Variants in TRPV3 observed in about 807,000 individuals in gnomAD.
TRPV3 encodes VRL-3.
Under a neutral mutation model 87.1 loss-of-function variants are expected in TRPV3, and 88 were observed. The observed-to-expected ratio is 1.01, with a 90% confidence interval of 0.85 to 1.21. The LOEUF (loss-of-function observed/expected upper bound fraction) is 1.21, where lower values mean the gene tolerates loss of function less well. Among genes scored for constraint, TRPV3 ranks in the 50% most tolerant of loss-of-function variants. The probability of loss-of-function intolerance (pLI) is 0.00; values close to 1 mark genes in which losing one functional copy is unlikely to be tolerated. For synonymous variants in TRPV3, 438 were observed against 423.3 expected, an observed-to-expected ratio of 1.03 and a Z score of -0.43; for missense variants, 1,054 against 1,030.1, an observed-to-expected ratio of 1.02 and a Z score of -0.32.
chr17:3,518,595 T>C lies in TRPV3; in HGVS notation c.2066A>G (p.Glu689Gly). Residue 689 changes from glutamate (E) to glycine (G), a missense_variant, in exon 15 of 18, where the codon GAA (glutamate) becomes GGA (glycine). Physicochemically the swap from Glu to Gly is moderately conservative, Grantham distance 98. Coordinates refer to ENST00000576742, the MANE Select transcript of TRPV3 (RefSeq NM_145068.4). This position sits in a 1 kb window ranked among gnomAD's most constrained non-coding sequence, Gnocchi z 4.3. ...ETVENVSKES[E>G]RIWRLQRART... is the part of the protein sequence containing the mutation. Reference sequence around the variant, plus strand: ...GCTCACCTGCAGGCGCCAGATGCGTTCGCTCTCCTTGGAGACGTTCTCCAC... The same window carrying C: ...GCTCACCTGCAGGCGCCAGATGCGTCCGCTCTCCTTGGAGACGTTCTCCAC... 1.3e-6 allele frequency: 2 copies of C among 1,559,172 alleles called. No homozygotes were observed. Among genetic ancestry groups the C allele is most frequent in the Non-Finnish European group, 1.7e-6 (2 of 1,150,494 alleles).
chr17:3,533,998 A>G (rs1221019349), intron 7 of TRPV3, among the ~76,000 whole-genome samples: 1 of 152,132 alleles, frequency 6.6e-6, no homozygotes, highest in Non-Finnish European at 1.5e-5. Flanking sequence ...AATGCTTGTT[A>G]AGAAAAAATA....
chr17:3,533,528 C>A (rs1309928220), intron 7 of TRPV3, among the ~76,000 whole-genome samples: 4 of 142,472 alleles, frequency 2.8e-5, no homozygotes, highest in Non-Finnish European at 6.0e-5. Flanking sequence ...GAGATGGAGT[C>A]CTACTCTGTC....
At chr17:3,555,497 C>T (rs969918256) in intron 1 of TRPV3, among the ~76,000 whole-genome samples, 2 of 152,174 alleles carry the variant, frequency 1.3e-5, no homozygotes, top group Non-Finnish European at 2.9e-5. Flanking sequence ...TGTGTGTAAC[C>T]AGCTTATGGC....
chr17:3,544,289 G>GCACCACC (rs1555545961), intron 4 of TRPV3, among the ~76,000 whole-genome samples: 18 of 147,302 alleles, frequency 1.2e-4, no homozygotes, highest in South Asian at 2.2e-4. Context: ...TGACAGGTAT[G>GCACCACC]AGCCCTGCAC....
rs1247800485 is a variant in TRPV3, at chr17:3,523,893, T to TAC, written c.1743+303_1743+304dup. Among the ~76,000 whole-genome samples the TAC allele has an allele frequency of 1.3e-3, 186 of 148,032 alleles. 1 individual carries two copies. Among genetic ancestry groups the TAC allele is most frequent in the African/African-American group, 4.2e-3 (163 of 38,712 alleles). ...ATATATGGAATATACATATTCCACCTACACACACACACATACACACACACA... is the reference window on the plus strand; with the variant it reads ...ATATATGGAATATACATATTCCACCTACACACACACACACATACACACACACA... On this transcript the variant is annotated intron_variant, in intron 13 of 17. Coordinates refer to ENST00000576742, the MANE Select transcript of TRPV3 (RefSeq NM_145068.4).
At chr17:3,521,128 C>G in intron 13 of TRPV3, 89 bp from the exon 14 acceptor site, 1 of 467,928 alleles carries the variant, frequency 2.1e-6, no homozygotes. Flanking sequence ...TCTCCCACCC[C>G]CCACCCTAAC....
chr17:3,554,958 G>A (rs1485759884), intron 1 of TRPV3, 106 bp from the exon 2 acceptor site: 2 of 648,176 alleles, frequency 3.1e-6, no homozygotes, highest in African/African-American at 1.8e-5. Flanking sequence ...CACACTACCT[G>A]GAACTGGAAG....
At chr17:3,554,985 C>A in intron 1 of TRPV3, 133 bp from the exon 2 acceptor site, 1 of 599,546 alleles carries the variant, frequency 1.7e-6, no homozygotes, top group Non-Finnish European at 2.9e-6. Flanking sequence ...CCTCCCTTCC[C>A]AGTTCACCAA....
At position 3,518,675 on chromosome 17, in the gene TRPV3, G is replaced by T. The variant is rs2074205676; in HGVS notation, c.1986C>A (p.Val662=). The T allele has an allele frequency of 6.2e-7, 1 of 1,607,378 alleles. No homozygotes were observed. Among genetic ancestry groups the T allele is most frequent in the East Asian group, 2.2e-5 (1 of 44,770 alleles). Residue 662 remains valine, a synonymous_variant, in exon 15 of 18, where the codon GTC becomes GTA. Transcript: ENST00000576742. This position sits in a 1 kb window ranked among gnomAD's most constrained non-coding sequence, Gnocchi z 4.3. ...TGAGGAGGAGAACAAAGGTGAGGAT[G>T]ACATAGGTGATGAGCAGGAACAGAA... is the stretch of plus-strand genomic sequence containing the variant. ...ILFLFLLITY[V]ILTFVLLLNM... is the part of the protein sequence containing the mutation.
Position 3,535,572 on chromosome 17 carries a change from C to T in TRPV3, c.784+1G>A. ...CCGCACCGGGCGGGGGCGGCACCCA[C>T]CGAAGTAGAAGCCTTCGTGTTGGTA... On this transcript the variant is annotated splice_donor_variant, in intron 7 of 17. Coordinates refer to ENST00000576742, the MANE Select transcript of TRPV3 (RefSeq NM_145068.4). LOFTEE classifies it high-confidence loss of function. 6.3e-7 allele frequency: 1 copy of T among 1,596,746 alleles called. No homozygotes were observed. Among genetic ancestry groups the T allele is most frequent in the Non-Finnish European group, 8.5e-7 (1 of 1,172,788 alleles).
rs534371607 is a variant in TRPV3, at chr17:3,543,835, A to G, written c.312-207T>C. On this transcript the variant is annotated intron_variant, in intron 4 of 17. Coordinates refer to ENST00000576742, the MANE Select transcript of TRPV3 (RefSeq NM_145068.4). ...GCAATCACATTTTGTCAAAATACCT[A>G]CATTTGGATGCATGAAGTAATGATC... 3.9e-5 allele frequency among the ~76,000 whole-genome samples: 6 copies of G among 152,230 alleles called. No homozygotes were observed. In the East Asian group the frequency reaches 9.6e-4, roughly 24 times the overall value.
At chr17:3,526,298 C>A (rs1235530981) in intron 12 of TRPV3, among the ~76,000 whole-genome samples, 1 of 151,770 alleles carries the variant, frequency 6.6e-6, no homozygotes, top group Non-Finnish European at 1.5e-5. Context: ...ACCAACATGG[C>A]GAAACCCTGT....
At chr17:3,517,634 A>AG in intron 15 of TRPV3, among the ~76,000 whole-genome samples, 1 of 150,896 alleles carries the variant, frequency 6.6e-6, no homozygotes, top group Non-Finnish European at 1.5e-5. Flanking sequence ...AAAAAAAAAA[A>AG]AAAAAAAGGA....
rs751094936 is a variant in TRPV3, at chr17:3,528,976, G to T, written c.1262C>A (p.Thr421Asn). 6.2e-6 allele frequency: 10 copies of T among 1,614,056 alleles called. No homozygotes were observed. The African/African-American group carries it at 1.1e-4, about 17-fold the overall frequency. The change falls in exon 10 of 18, where the codon ACC (threonine) becomes AAC (asparagine). Residue 421 changes from threonine (T) to asparagine (N), a missense_variant. Coordinates refer to ENST00000576742, the MANE Select transcript of TRPV3 (RefSeq NM_145068.4). The surrounding 1 kb of genome is among the most constrained non-coding windows in gnomAD (Gnocchi z 4.2). ...TNIDNRHEML[T>N]LEPLHTLLHM... Reference sequence around the variant, plus strand: ...CAGCAGCGTGTGCAGCGGCTCCAGGGTCAGCATCTCATGCCGGTTCTAGGG... The same window carrying T: ...CAGCAGCGTGTGCAGCGGCTCCAGGTTCAGCATCTCATGCCGGTTCTAGGG...
rs202012804 is a variant in TRPV3 at position 3,541,643 on chromosome 17, TTAA to T, written c.643+876_643+878del. 8.8e-3 allele frequency among the ~76,000 whole-genome samples: 1,334 copies of T among 152,270 alleles called. 19 individuals carry two copies. The highest frequency in any genetic ancestry group is 0.03 in the African/African-American group (1,245 of 41,550). On this transcript the variant is annotated intron_variant, in intron 6 of 17. Transcript: ENST00000576742. The stretch of plus-strand genomic sequence containing the variant: ...AAAACTGAGACCCAAATGGGGACAG[TTAA>T]TGATGATGATGATGATGACAACAGT...
intron 14 of TRPV3, among the ~76,000 whole-genome samples, chr17:3,519,421 A>AG (rs2074214187): frequency 2.2e-5 from 1 of 46,508 alleles, no homozygotes; most frequent in Admixed American, 2.3e-4. Context: ...TGGATGGATG[A>AG]TTGGATGGAT....
intron 6 of TRPV3, among the ~76,000 whole-genome samples, chr17:3,539,028 A>T (rs534821738): frequency 6.6e-6 from 1 of 152,340 alleles, no homozygotes; most frequent in East Asian, 1.9e-4. Context: ...GAAACACCTG[A>T]CTGTCTGTCA....
rs761990434 is a variant in TRPV3 at position 3,543,456 on chromosome 17, C to G, written c.466+18G>C. On this transcript the variant is annotated intron_variant, in intron 5 of 17. Coordinates refer to ENST00000576742, the MANE Select transcript of TRPV3 (RefSeq NM_145068.4). ...AGGGCCCCCAGCCCTGCACCCTCTGCCAGGCTCAGACACTCACCAGGCACA... is the reference window on the plus strand; with the variant it reads ...AGGGCCCCCAGCCCTGCACCCTCTGGCAGGCTCAGACACTCACCAGGCACA... 8 of 1,611,438 alleles carry G rather than the reference C, an allele frequency of 5.0e-6. No homozygotes were observed. The highest frequency in any genetic ancestry group is 1.7e-5 in the Admixed American group (1 of 59,998).
At chr17:3,519,714 AT>A (rs2074223531) in intron 14 of TRPV3, among the ~76,000 whole-genome samples, 2 of 145,266 alleles carry the variant, frequency 1.4e-5, no homozygotes, top group Admixed American at 6.8e-5. Flanking sequence ...AGATGGATGG[AT>A]GGATGGATGG....
Sources: allele counts gnomAD v4.1 joint callset (sites outside exome capture counted in the v4.1 genomes callset), GRCh38; gene constraint gnomAD v4.1.1; non-coding constraint Gnocchi (gnomAD v3.1); transcripts MANE v1.5; gene names NCBI Gene and HGNC (gene_info 2026-07-23, HGNC 2026-07-21).